ACTN2: variants seen among roughly 807,000 people sequenced by gnomAD.
ACTN2 encodes actinin alpha 2.
Under a neutral mutation model 113.8 loss-of-function variants are expected in ACTN2, and 39 were observed. The observed-to-expected ratio is 0.34, with a 90% CI of 0.27 to 0.45. The LOEUF (loss-of-function observed/expected upper bound fraction) is 0.45. Among genes scored for constraint, ACTN2 ranks in the 20% least tolerant of loss-of-function variants. The pLI, the probability that ACTN2 is intolerant of heterozygous loss-of-function variation, is 1.00. For missense variants in ACTN2, 992 were observed against 1,177.9 expected, an observed-to-expected ratio of 0.84 and a Z score of 2.31; for synonymous variants, 429 against 444.1, an observed-to-expected ratio of 0.97 and a Z score of 0.43.
intron 4 of ACTN2, among the ~76,000 whole-genome samples, chr1:236,720,604 C>T (rs1459583144): frequency 2.0e-5 from 3 of 152,078 alleles, no homozygotes; most frequent in African/African-American, 7.2e-5. Context: ...TATCTCTCTC[C>T]CTCTCTTTTT....
At chr1:236,694,220 C>CT (rs540449597) in intron 1 of ACTN2, among the ~76,000 whole-genome samples, 2,017 of 134,370 alleles carry the variant, frequency 0.015, 46 homozygotes, top group African/African-American at 0.044. Context: ...TTTTTCTTTT[C>CT]TTTTTTTTTT....
chr1:236,753,999 G>A lies in ACTN2; in HGVS notation c.1892G>A (p.Arg631His), dbSNP rs370908799. Reference protein sequence around the residue: ...RDQSLQEELARQHANERLRRQ... With the variant: ...RDQSLQEELAHQHANERLRRQ... ...CAATCCCTGCAGGAGGAGCTGGCTC[G>A]CCAGCATGCTAACGAGCGTCTGAGG... The change falls in exon 16 of 21, where the codon CGC becomes CAC. Residue 631 changes from arginine (R) to histidine (H), a missense_variant. This residue lies in a region of ACTN2 where 736 missense variants were observed against 815.4 expected (regional missense o/e 0.90). Coordinates refer to ENST00000366578, the MANE Select transcript of ACTN2 (RefSeq NM_001103.4). The A allele has an allele frequency of 2.5e-5, 40 of 1,614,052 alleles. No individual in the cohort carries two copies. In the South Asian group the frequency reaches 2.6e-4, roughly 11 times the overall value.
Position 236,744,737 on chromosome 1 carries a change from A to C in ACTN2, c.1367A>C (p.Asp456Ala). Reference sequence around the variant, plus strand: ...GAGAGCGACCTGGCAGCGCACCAGGACCGCGTGGAGCAGATCGCAGCCATC... The same window carrying C: ...GAGAGCGACCTGGCAGCGCACCAGGCCCGCGTGGAGCAGATCGCAGCCATC... The part of the protein sequence containing the change: ...AFESDLAAHQ[D>A]RVEQIAAIAQ... Residue 456 changes from aspartate to alanine, a missense_variant, in exon 12 of 21, where the codon GAC becomes GCC. Coordinates refer to ENST00000366578, the MANE Select transcript of ACTN2 (RefSeq NM_001103.4). The C allele has an allele frequency of 6.2e-7, 1 of 1,614,162 alleles. No homozygotes were observed.
chr1:236,701,616 C>T (rs960098297), intron 1 of ACTN2, among the ~76,000 whole-genome samples: 5 of 152,174 alleles, frequency 3.3e-5, no homozygotes, highest in Non-Finnish European at 2.9e-5. Flanking sequence ...TTTATACTTA[C>T]ACTTTAGACA....
chr1:236,764,057 G>A lies in ACTN2; in HGVS notation c.*1438G>A, dbSNP rs1296456202. On this transcript the variant is annotated 3_prime_UTR_variant, in exon 21 of 21. Coordinates refer to ENST00000366578, the MANE Select transcript of ACTN2 (RefSeq NM_001103.4). The stretch of plus-strand genomic sequence containing the variant: ...GTAACATGTCTGTTACCTACAGTCT[G>A]TTTGCTCAGATTTTTATAGATTTCC... 1 of 152,174 alleles carries A rather than the reference G, an allele frequency of 6.6e-6. No homozygotes were observed. The highest frequency in any genetic ancestry group is 6.5e-5 in the Admixed American group (1 of 15,272). 9.4% of individuals were successfully genotyped at this position (152,174 alleles called of 1,614,324 possible). A position where few individuals can be genotyped will look rare whatever the true frequency, so the allele number is the denominator to read the frequency against.
chr1:236,741,165 A>G (rs763682682), intron 10 of ACTN2, among the ~76,000 whole-genome samples: 3 of 151,560 alleles, frequency 2.0e-5, no homozygotes, highest in African/African-American at 4.9e-5. Context: ...CCACCTCAAC[A>G]TCCTGAGTAG....
intron 6 of ACTN2, among the ~76,000 whole-genome samples, chr1:236,729,663 T>A (rs1018970417): frequency 6.6e-6 from 1 of 152,224 alleles, no homozygotes; most frequent in African/African-American, 2.4e-5. Flanking sequence ...GAATGAAATA[T>A]TTTAAGGTAG....
At chr1:236,727,611 G>A (rs534538032) in intron 5 of ACTN2, 67 bp from the exon 6 acceptor site, 4 of 1,520,446 alleles carry the variant, frequency 2.6e-6, no homozygotes, top group African/African-American at 1.4e-5. Flanking sequence ...ATCTGACTGA[G>A]TGCAGATGCT....
chr1:236,742,877 T>G lies in ACTN2; in HGVS notation c.1108-19T>G. 6.2e-7 allele frequency: 1 copy of G among 1,614,190 alleles called. No homozygotes were observed. The highest frequency in any genetic ancestry group is 8.5e-7 in the Non-Finnish European group (1 of 1,180,038). Reference sequence around the variant, plus strand: ...GTGCTTGTTACACATTTGCTTCCCTTGGCTTCCAACCATCCCAGGATATTG... The same window carrying G: ...GTGCTTGTTACACATTTGCTTCCCTGGGCTTCCAACCATCCCAGGATATTG... On this transcript the variant is annotated intron_variant, in intron 10 of 20. Transcript: ENST00000366578.
At chr1:236,697,318 C>A (rs960249723) in intron 1 of ACTN2, among the ~76,000 whole-genome samples, 1 of 151,900 alleles carries the variant, frequency 6.6e-6, no homozygotes, top group South Asian at 2.1e-4. Context: ...AGAGCAAGAC[C>A]CTGTCTCAAA....
chr1:236,708,539 T>A (rs1403202525), intron 1 of ACTN2, among the ~76,000 whole-genome samples: 4 of 152,178 alleles, frequency 2.6e-5, no homozygotes, highest in Non-Finnish European at 5.9e-5. Context: ...AGTGTAGACT[T>A]TCTTGATTTT....
chr1:236,713,027 T>C (rs376688086), intron 1 of ACTN2, among the ~76,000 whole-genome samples: 6 of 152,026 alleles, frequency 3.9e-5, no homozygotes, highest in African/African-American at 1.4e-4. Context: ...TAAAGTAATT[T>C]TACTTGCTGA....
chr1:236,713,455 G>A (rs1056347524), intron 1 of ACTN2, among the ~76,000 whole-genome samples: 49 of 152,124 alleles, frequency 3.2e-4, no homozygotes, highest in African/African-American at 1.2e-3. Flanking sequence ...TTGCACTCCT[G>A]ATCTCAAGTG....
rs10802562 is a variant in ACTN2, at chr1:236,761,434, T to C, written c.2526+261T>C. Among the ~76,000 whole-genome samples the C allele has an allele frequency of 2.1e-3, 90 of 42,232 alleles. 1 individual carries two copies. Among genetic ancestry groups the C allele is most frequent in the Admixed American group, 0.016 (41 of 2,570 alleles). 27.7% of individuals were successfully genotyped at this position (42,232 alleles called of 152,430 possible). A position where few individuals can be genotyped will look rare whatever the true frequency, so the allele number is the denominator to read the frequency against. On this transcript the variant is annotated intron_variant, in intron 20 of 20. Coordinates refer to ENST00000366578, the MANE Select transcript of ACTN2 (RefSeq NM_001103.4). ...GGACAAGAGTGTATTTGTACTTGCG[T>C]GTGTGTGTGTGTGTGTGTGTGTGTA...
At chr1:236,700,401 C>G (rs2102869225) in intron 1 of ACTN2, among the ~76,000 whole-genome samples, 1 of 152,304 alleles carries the variant, frequency 6.6e-6, no homozygotes, top group Admixed American at 6.5e-5. Context: ...ACCCTGTTGT[C>G]TAATTCCAGT....
At chr1:236,752,255 A>G (rs1659417144) in intron 15 of ACTN2, among the ~76,000 whole-genome samples, 1 of 152,180 alleles carries the variant, frequency 6.6e-6, no homozygotes, top group Non-Finnish European at 1.5e-5. Context: ...TCATCTCAGT[A>G]TGCCAATCAT....
intron 1 of ACTN2, among the ~76,000 whole-genome samples, chr1:236,706,955 G>A (rs707211): frequency 0.64 from 97,979 of 152,120 alleles, 32,503 homozygotes; most frequent in Non-Finnish European, 0.72. Flanking sequence ...ACGTATGCAT[G>A]CAGACATGTA....
chr1:236,736,288 T>C (rs902538707), intron 8 of ACTN2, among the ~76,000 whole-genome samples: 1 of 152,228 alleles, frequency 6.6e-6, no homozygotes, highest in African/African-American at 2.4e-5. Context: ...GTTCCTCTCC[T>C]TGGAGGATCT....
intron 1 of ACTN2, among the ~76,000 whole-genome samples, chr1:236,703,231 TG>T (rs896369818): frequency 1.3e-5 from 2 of 152,102 alleles, no homozygotes; most frequent in Non-Finnish European, 2.9e-5. Context: ...GATGTAAGGC[TG>T]TTTGTTGGGA....
Sources: gnomAD v4.1 joint callset for allele counts (sites outside exome capture counted in the v4.1 genomes callset) on GRCh38, gnomAD v4.1.1 for gene constraint, gnomAD v4.1.1 regional missense constraint, MANE v1.5 for transcripts, NCBI Gene and HGNC (gene_info 2026-07-23, HGNC 2026-07-21) for gene names.